The following BRDT variants were observed in gnomAD, a reference collection of about 807,000 sequenced individuals.
The protein encoded by BRDT is bromodomain testis-specific protein.
In BRDT, 77 loss-of-function variants were observed where a neutral mutation model predicts 113.9. The ratio of observed to expected loss-of-function variants is 0.68; its 90% confidence interval spans 0.56 to 0.82. BRDT has a LOEUF of 0.82. Among genes scored for constraint, BRDT ranks in the 40% least tolerant of loss-of-function variants. BRDT has a pLI of 0.00. For synonymous variants in BRDT, 358 were observed against 366.5 expected (o/e 0.98, Z 0.26); for missense variants, 1,027 against 1,105.4 (o/e 0.93, Z 1.01).
intron 1 of BRDT, among the ~76,000 whole-genome samples, chr1:91,955,726 T>A (rs898092728): frequency 1.3e-5 from 2 of 152,088 alleles, no homozygotes; most frequent in African/African-American, 4.8e-5. Flanking sequence ...AAAGGGAAAA[T>A]TTTTAGTCAT....
At chr1:91,998,992 A>G (rs186292919) in intron 15 of BRDT, among the ~76,000 whole-genome samples, 33 of 152,260 alleles carry the variant, frequency 2.2e-4, no homozygotes, top group Admixed American at 7.2e-4. Flanking sequence ...TGGGGAGGCA[A>G]TGAAGGTTTT....
At chr1:91,957,247 A>G (rs1681875743) in intron 1 of BRDT, among the ~76,000 whole-genome samples, 1 of 152,176 alleles carries the variant, frequency 6.6e-6, no homozygotes, top group Non-Finnish European at 1.5e-5. Flanking sequence ...TAATCCCAGT[A>G]CTTTGGGAGG....
At chr1:91,958,011 T>C (rs976028109) in intron 1 of BRDT, among the ~76,000 whole-genome samples, 1 of 152,060 alleles carries the variant, frequency 6.6e-6, no homozygotes, top group Non-Finnish European at 1.5e-5. Flanking sequence ...GGCTAACTTT[T>C]GTATTTTTAT....
In BRDT at chr1:91,964,749, T is replaced by C; in HGVS notation, c.315T>C (p.Cys105=). ...IEDFNTMFSN[C]YLYNKPGDDI... is the part of the protein sequence containing the mutation. ...ACTTCAATACAATGTTCTCAAATTG[T>C]TATTTATATAACAAGGTATGTAAGC... Residue 105 remains cysteine (C), a synonymous_variant, in exon 3 of 19, where the codon TGT becomes TGC. Coordinates refer to ENST00000399546, the MANE Select transcript of BRDT (RefSeq NM_207189.4). 6.7e-7 allele frequency: 1 copy of C among 1,485,188 alleles called. No individual in the cohort carries two copies. 92.0% of individuals were successfully genotyped at this position (1,485,188 alleles called of 1,614,324 possible). A position where few individuals can be genotyped will look rare whatever the true frequency, so the allele number is the denominator to read the frequency against.
At position 91,981,080 on chromosome 1, in the gene BRDT, A is replaced by G; in HGVS notation, c.1652A>G (p.Glu551Gly). 6.2e-7 allele frequency: 1 copy of G among 1,614,066 alleles called. No homozygotes were observed. The highest frequency in any genetic ancestry group is 8.5e-7 in the Non-Finnish European group (1 of 1,179,936). ...TCTCTGAGCAATTCCAATCCTGATG[A>G]GATAGAGATAGACTTTGAAACACTG... is the stretch of plus-strand genomic sequence containing the variant. Reference protein sequence around the residue: ...EPSLSNSNPDEIEIDFETLKA... With the variant: ...EPSLSNSNPDGIEIDFETLKA... Residue 551 changes from glutamate (E) to glycine (G), a missense_variant, in exon 10 of 19, where the codon GAG (glutamate) becomes GGG (glycine). By Grantham distance (98) the Glu-to-Gly change is moderately conservative. Transcript: ENST00000399546.
chr1:91,987,494 C>T (rs553691732), intron 12 of BRDT, among the ~76,000 whole-genome samples: 7 of 151,782 alleles, frequency 4.6e-5, no homozygotes, highest in Non-Finnish European at 8.8e-5. Flanking sequence ...CCACCATCCC[C>T]GGCTAATTTT....
At chr1:92,005,368 A>G in intron 18 of BRDT, 69 bp downstream of exon 18, 1 of 1,328,540 alleles carries the variant, frequency 7.5e-7, no homozygotes, top group Non-Finnish European at 9.9e-7. Context: ...TGTCTTTTGT[A>G]TGTTCAAGGA....
Position 91,994,083 on chromosome 1 carries a change from A to G in BRDT, c.2116A>G (p.Ile706Val). The G allele has an allele frequency of 1.9e-6, 3 of 1,596,114 alleles. No individual in the cohort carries two copies. Among genetic ancestry groups the G allele is most frequent in the South Asian group, 1.1e-5 (1 of 86,984 alleles). ...GATAACTTTGATTTTGTTTTAACAG[A>G]TAGGATATTGTGTGCAAGACACAAC... ...PPEGRTGVTQ[I>V]GYCVQDTTSA... Residue 706 changes from isoleucine to valine, a missense_variant and splice_region_variant, in exon 15 of 19, where the codon ATA becomes GTA. By Grantham distance (29) the Ile-to-Val change is conservative. Coordinates refer to ENST00000399546, the MANE Select transcript of BRDT (RefSeq NM_207189.4).
At chr1:91,970,254 A>G (rs895202183) in intron 4 of BRDT, among the ~76,000 whole-genome samples, 6 of 152,186 alleles carry the variant, frequency 3.9e-5, no homozygotes, top group African/African-American at 1.4e-4. Context: ...GCTGTGTTTG[A>G]AAAGAATGAG....
chr1:91,995,147 C>G (rs17131590), intron 15 of BRDT, among the ~76,000 whole-genome samples: 5 of 151,884 alleles, frequency 3.3e-5, no homozygotes, highest in Non-Finnish European at 7.4e-5. Context: ...ACTTCTGATA[C>G]GAGTTTAGCC....
At chr1:92,001,974 G>C in intron 15 of BRDT, 75 bp from the exon 16 acceptor site, 2 of 1,120,006 alleles carry the variant, frequency 1.8e-6, no homozygotes, top group Non-Finnish European at 2.6e-6. Flanking sequence ...GACCTGGAAG[G>C]AAAAATAAAA....
intron 4 of BRDT, among the ~76,000 whole-genome samples, chr1:91,975,455 T>C: frequency 6.6e-6 from 1 of 152,090 alleles, no homozygotes; most frequent in African/African-American, 2.4e-5. Flanking sequence ...GGATAGACTA[T>C]AGAGGACCGA....
intron 1 of BRDT, among the ~76,000 whole-genome samples, chr1:91,960,694 C>T (rs907452461): frequency 4.6e-5 from 7 of 152,130 alleles, no homozygotes; most frequent in African/African-American, 1.2e-4. Flanking sequence ...GTATGTTTTA[C>T]GCCACAGTTC....
At chr1:92,007,285 T>C (rs1225186250) in intron 18 of BRDT, among the ~76,000 whole-genome samples, 1 of 152,170 alleles carries the variant, frequency 6.6e-6, no homozygotes, top group East Asian at 1.9e-4. Flanking sequence ...GTTTGTTACA[T>C]AGGTAAACTG....
At position 91,978,259 on chromosome 1, in the gene BRDT, C is replaced by A; in HGVS notation, c.1061C>A (p.Pro354Gln). The change falls in exon 7 of 19, where the codon CCA becomes CAA. Residue 354 changes from proline (P) to glutamine (Q), a missense_variant. Coordinates refer to ENST00000399546, the MANE Select transcript of BRDT (RefSeq NM_207189.4). Reference protein sequence around the residue: ...MFMNCYKYNPPDHEVVTMARM... With the variant: ...MFMNCYKYNPQDHEVVTMARM... ...ATGAATTGCTACAAGTACAATCCTC[C>A]AGATCACGAAGTTGTGACAATGGCA... 6.2e-7 allele frequency: 1 copy of A among 1,614,072 alleles called. No individual in the cohort carries two copies.
At chr1:91,972,066 T>G (rs2101626667) in intron 4 of BRDT, among the ~76,000 whole-genome samples, 1 of 152,068 alleles carries the variant, frequency 6.6e-6, no homozygotes, top group Admixed American at 6.6e-5. Context: ...TTAGCACAAA[T>G]TCTAGCTTTG....
At chr1:91,992,143 T>G in intron 13 of BRDT, 121 bp from the exon 14 acceptor site, 1 of 500,134 alleles carries the variant, frequency 2.0e-6, no homozygotes, top group Non-Finnish European at 3.3e-6. Context: ...TCTAACTAGG[T>G]TAGGGAAACA....
chr1:91,978,602 T>C (rs990775051), intron 7 of BRDT, among the ~76,000 whole-genome samples: 1 of 152,234 alleles, frequency 6.6e-6, no homozygotes, highest in East Asian at 1.9e-4. Context: ...GGGATGTAGA[T>C]AGATGATATA....
chr1:91,993,951 G>T, intron 14 of BRDT, 132 bp from the exon 15 acceptor site: 1 of 745,640 alleles, frequency 1.3e-6, no homozygotes, highest in South Asian at 2.7e-5. Flanking sequence ...TTATAGATTT[G>T]TGTGACTTAA....
Sources: gnomAD v4.1 joint callset for allele counts (sites outside exome capture counted in the v4.1 genomes callset) on GRCh38, gnomAD v4.1.1 for gene constraint, MANE v1.5 for transcripts, NCBI Gene and HGNC (gene_info 2026-07-23, HGNC 2026-07-21) for gene names.